ST3GAL2: variants seen among roughly 807,000 people sequenced by gnomAD.
ST3GAL2 encodes CMP-N-acetylneuraminate-beta-galactosamide-alpha-2,3-sialyltransferase 2.
ST3GAL2 carries 16 observed loss-of-function variants against 37.5 expected under a neutral mutation model. That is an observed-to-expected ratio of 0.43 (90% CI 0.29 to 0.65). The LOEUF (loss-of-function observed/expected upper bound fraction) is 0.65. Among genes scored for constraint, ST3GAL2 ranks in the 30% least tolerant of loss-of-function variants. The pLI, the probability that ST3GAL2 is intolerant of heterozygous loss-of-function variation, is 0.17. For synonymous variants in ST3GAL2, 238 were observed against 202.9 expected (o/e 1.17, Z -1.47); for missense variants, 383 against 487.8 (o/e 0.79, Z 2.02).
At chr16:70,408,049 AT>A (rs2047605826) in intron 1 of ST3GAL2, among the ~76,000 whole-genome samples, 1 of 152,096 alleles carries the variant, frequency 6.6e-6, no homozygotes. Context: ...CCCAAAGCTC[AT>A]TCTAAAGGCA....
chr16:70,381,738 A>G lies in ST3GAL2; in HGVS notation c.1004T>C (p.Ile335Thr). 6.2e-7 allele frequency: 1 copy of G among 1,614,004 alleles called. No homozygotes were observed. The highest frequency in any genetic ancestry group is 1.1e-5 in the South Asian group (1 of 91,086). Reference protein sequence around the residue: ...VHDADFEAHIIDMLAKASKIE... With the variant: ...VHDADFEAHITDMLAKASKIE... ...CTTGCTGGCCTTGGCCAGCATGTCG[A>G]TGATGTGGGCCTCGAAGTCCGCGTC... The change falls in exon 7 of 7, where the codon ATC (isoleucine) becomes ACC (threonine). Residue 335 changes from isoleucine to threonine, a missense_variant. By Grantham distance (89) the Ile-to-Thr change is moderately conservative (BLOSUM62 -1). This residue lies in a region of ST3GAL2 where 160 missense variants were observed against 248.6 expected (regional missense o/e 0.64). Transcript: ENST00000342907.
intron 3 of ST3GAL2, among the ~76,000 whole-genome samples, chr16:70,390,620 G>A (rs533762308): frequency 8.2e-4 from 125 of 152,248 alleles, no homozygotes; most frequent in African/African-American, 2.9e-3. Context: ...AAGTTCTGAC[G>A]GTCTGCCCTT....
At chr16:70,396,367 G>A (rs899739780) in intron 2 of ST3GAL2, among the ~76,000 whole-genome samples, 1 of 151,880 alleles carries the variant, frequency 6.6e-6, no homozygotes, top group Non-Finnish European at 1.5e-5. Context: ...TAACTTGATG[G>A]GTTTGTGGGT....
chr16:70,399,347 T>C lies in ST3GAL2; in HGVS notation c.-817A>G, dbSNP rs551479629. ...CTGTTCAGCGGGGCACTGTGTCCAA[T>C]ACCATCTGGGTCAGGCGAGCTTGTG... On this transcript the variant is annotated 5_prime_UTR_variant, in exon 2 of 7. Coordinates refer to ENST00000342907, the MANE Select transcript of ST3GAL2 (RefSeq NM_006927.4). 3.0e-5 allele frequency: 12 copies of C among 398,730 alleles called. No individual in the cohort carries two copies. The South Asian group carries it at 1.5e-3, about 51-fold the overall frequency. The allele number at this position is 398,730 out of a possible 1,614,324, so 24.7% of individuals were successfully genotyped here.
rs2047384651 is a variant in ST3GAL2 at position 70,379,976 on chromosome 16, A to G, written c.*1713T>C. On this transcript the variant is annotated 3_prime_UTR_variant, in exon 7 of 7. Transcript: ENST00000342907. ...TAAAGCAAAAGAAAAAAAAGAAATA[A>G]ATTATTCTGCTCAATACTGTTTGGC... 6.6e-6 allele frequency: 1 copy of G among 152,110 alleles called. No homozygotes were observed. The highest frequency in any genetic ancestry group is 1.5e-5 in the Non-Finnish European group (1 of 68,050). 9.4% of individuals were successfully genotyped at this position (152,110 alleles called of 1,614,324 possible). A position where few individuals can be genotyped will look rare whatever the true frequency, so the allele number is the denominator to read the frequency against.
intron 1 of ST3GAL2, among the ~76,000 whole-genome samples, chr16:70,408,851 C>T (rs118168474): frequency 0.065 from 8,620 of 132,132 alleles, 297 homozygotes; most frequent in Middle Eastern, 0.087. Context: ...CGAGGCTGCA[C>T]CCTAACAGCC....
At chr16:70,384,560 CT>C (rs2047428969) in intron 4 of ST3GAL2, among the ~76,000 whole-genome samples, 1 of 152,124 alleles carries the variant, frequency 6.6e-6, no homozygotes, top group South Asian at 2.1e-4. Flanking sequence ...CAAAAATTAG[CT>C]GGGTGTGGTG....
intron 1 of ST3GAL2, among the ~76,000 whole-genome samples, chr16:70,420,916 C>T (rs1250670200): frequency 6.6e-6 from 1 of 152,218 alleles, no homozygotes; most frequent in Non-Finnish European, 1.5e-5. Flanking sequence ...GGGCCCCTTG[C>T]TCAGCTGCTG....
chr16:70,400,289 G>C (rs1225113533), intron 1 of ST3GAL2: 1 of 152,386 alleles, frequency 6.6e-6, no homozygotes, highest in Non-Finnish European at 1.5e-5. Flanking sequence ...TCAGCCATAA[G>C]GAAAGGAGCT....
chr16:70,420,761 G>A (rs1266741604), intron 1 of ST3GAL2, among the ~76,000 whole-genome samples: 1 of 152,194 alleles, frequency 6.6e-6, no homozygotes, highest in Non-Finnish European at 1.5e-5. Flanking sequence ...AGGTCAGCCT[G>A]TGGCAGCTAT....
At position 70,398,176 on chromosome 16, in the gene ST3GAL2, G is replaced by C. The variant is rs758292804; in HGVS notation, c.339+16C>G. ...AACTGGGGGACAGATCCCTGGAAGG[G>C]AGCAGCAGCTCTTACCATCCACCAC... On this transcript the variant is annotated intron_variant, in intron 2 of 6. Transcript: ENST00000342907. 3.1e-6 allele frequency: 5 copies of C among 1,606,558 alleles called. No individual in the cohort carries two copies. In the South Asian group the frequency reaches 3.3e-5, roughly 11 times the overall value.
chr16:70,426,181 CTTTTTTTTT>C (rs56342720), intron 1 of ST3GAL2, among the ~76,000 whole-genome samples: 1 of 99,510 alleles, frequency 1.0e-5, no homozygotes, highest in Non-Finnish European at 1.9e-5. Flanking sequence ...GGGCCAAAGC[CTTTTTTTTT>C]TTTTTTTTTT....
chr16:70,402,736 G>A (rs748444176), intron 1 of ST3GAL2, among the ~76,000 whole-genome samples: 48 of 152,176 alleles, frequency 3.2e-4, no homozygotes, highest in African/African-American at 8.4e-4. Flanking sequence ...TGCAGCCTCC[G>A]CCTCCTGGGT....
chr16:70,413,117 G>T (rs2047650384), intron 1 of ST3GAL2, among the ~76,000 whole-genome samples: 1 of 152,100 alleles, frequency 6.6e-6, no homozygotes, highest in Non-Finnish European at 1.5e-5. Context: ...GGGCATGGTG[G>T]CGGATGCCTG....
At chr16:70,382,077 A>G (rs1484702859) in intron 6 of ST3GAL2, among the ~76,000 whole-genome samples, 7 of 124,492 alleles carry the variant, frequency 5.6e-5, no homozygotes, top group Admixed American at 8.6e-5. Context: ...TTTTTAATGG[A>G]GTACTTTGAT....
chr16:70,414,685 ATTTTTGAGATAGAGTCT>A lies in ST3GAL2; in HGVS notation c.-1003-15169_-1003-15153del, dbSNP rs534487647. On this transcript the variant is annotated intron_variant, in intron 1 of 6. Transcript: ENST00000342907. ...TTCCAGGCCAAGATTCTGTTTGTTTATTTTTGAGATAGAGTCTCACTCTGTCATCCAGGCTGTAGTGC... is the reference window on the plus strand; with the variant it reads ...TTCCAGGCCAAGATTCTGTTTGTTTACACTCTGTCATCCAGGCTGTAGTGC... Among the ~76,000 whole-genome samples the A allele has an allele frequency of 2.2e-4, 34 of 151,948 alleles. No individual in the cohort carries two copies. The South Asian group carries it at 5.6e-3, about 25-fold the overall frequency.
intron 4 of ST3GAL2, among the ~76,000 whole-genome samples, chr16:70,386,890 C>T (rs1354456740): frequency 6.6e-6 from 1 of 152,236 alleles, no homozygotes; most frequent in Non-Finnish European, 1.5e-5. Context: ...GTGATCCACC[C>T]GCCTTGGCCT....
intron 1 of ST3GAL2, chr16:70,400,146 G>C (rs1167377330): frequency 6.6e-6 from 1 of 152,358 alleles, no homozygotes; most frequent in African/African-American, 2.4e-5. Context: ...CCTGAGGGCA[G>C]TTGTCTACAT....
intron 4 of ST3GAL2, among the ~76,000 whole-genome samples, chr16:70,386,796 C>T (rs1401014716): frequency 2.0e-5 from 3 of 152,122 alleles, no homozygotes; most frequent in African/African-American, 4.8e-5. Flanking sequence ...CAGGCGCATG[C>T]CACCACGCCT....
Sources: gnomAD v4.1 joint callset for allele counts (sites outside exome capture counted in the v4.1 genomes callset) on GRCh38, gnomAD v4.1.1 for gene constraint, gnomAD v4.1.1 regional missense constraint, MANE v1.5 for transcripts, NCBI Gene and HGNC (gene_info 2026-07-23, HGNC 2026-07-21) for gene names.